The following RALGAPA1 variants were observed in gnomAD, a reference collection of about 807,000 sequenced individuals.
RALGAPA1 encodes the protein ral GTPase-activating protein subunit alpha-1.
In RALGAPA1, 52 loss-of-function variants were observed where a neutral mutation model predicts 269.6. The ratio of observed to expected loss-of-function variants is 0.19; its 90% confidence interval spans 0.15 to 0.24. RALGAPA1 has a LOEUF of 0.24. RALGAPA1 is among the 10% of genes least tolerant of loss of function. The probability of loss-of-function intolerance (pLI) is 1.00; values close to 1 mark genes in which losing one functional copy is unlikely to be tolerated. For synonymous variants in RALGAPA1, 817 were observed against 1,008.3 expected, an observed-to-expected ratio of 0.81 and a Z score of 3.60; for missense variants, 1,917 against 3,013.9, an observed-to-expected ratio of 0.64 and a Z score of 8.52.
chr14:35,794,763 C>A (rs978550271), intron 1 of RALGAPA1, among the ~76,000 whole-genome samples: 1 of 152,126 alleles, frequency 6.6e-6, no homozygotes, highest in African/African-American at 2.4e-5. Context: ...CCAATCCATA[C>A]TCTTTTTAAG....
intron 30 of RALGAPA1, among the ~76,000 whole-genome samples, chr14:35,653,163 A>C (rs1447433450): frequency 6.6e-6 from 1 of 152,148 alleles, no homozygotes; most frequent in Non-Finnish European, 1.5e-5. Context: ...TAGTTATTAA[A>C]TCCTCAGTTC....
chr14:35,573,314 TA>T (rs780749847), intron 37 of RALGAPA1, among the ~76,000 whole-genome samples: 51 of 152,250 alleles, frequency 3.3e-4, no homozygotes, highest in African/African-American at 1.1e-3. Flanking sequence ...AATAAGGTGT[TA>T]AAAAAATGAA....
chr14:35,633,938 G>A (rs1181654134), intron 33 of RALGAPA1, among the ~76,000 whole-genome samples: 5 of 152,090 alleles, frequency 3.3e-5, no homozygotes, highest in Admixed American at 3.3e-4. Context: ...AGTAAGGATT[G>A]TACAAAGGGC....
rs141655607 is a variant in RALGAPA1 at position 35,648,352 on chromosome 14, G to C, written c.5676+3453C>G. ...ATGGTGGCGCACGCCTGTAATCCCA[G>C]CTACTCAGGAGGCTGAGGCAGGAGA... On this transcript the variant is annotated intron_variant, in intron 31 of 41. Coordinates refer to ENST00000680220, the MANE Select transcript of RALGAPA1 (RefSeq NM_001346249.2). Among the ~76,000 whole-genome samples, 792 of 149,750 alleles carry C rather than the reference G, an allele frequency of 5.3e-3. 1 individual carries two copies. Among genetic ancestry groups the C allele is most frequent in the African/African-American group, 0.018 (724 of 40,716 alleles).
chr14:35,625,358 T>A lies in RALGAPA1; in HGVS notation c.6929+3A>T. 1 of 1,605,662 alleles carries A rather than the reference T, an allele frequency of 6.2e-7. No homozygotes were observed. The highest frequency in any genetic ancestry group is 8.5e-7 in the Non-Finnish European group (1 of 1,176,384). ...GTTATGTGAAGATTTTCCAACAACT[T>A]ACCACTGCCTTGAATCCAAGTTCCT... On this transcript the variant is annotated splice_donor_region_variant and intron_variant, in intron 35 of 41. Coordinates refer to ENST00000680220, the MANE Select transcript of RALGAPA1 (RefSeq NM_001346249.2).
At chr14:35,704,336 T>C (rs2067615003) in intron 16 of RALGAPA1, among the ~76,000 whole-genome samples, 1 of 152,120 alleles carries the variant, frequency 6.6e-6, no homozygotes, top group Non-Finnish European at 1.5e-5. Flanking sequence ...ACCACAGACA[T>C]ACTCTCCACA....
At chr14:35,558,909 C>A (rs949380056) in intron 39 of RALGAPA1, among the ~76,000 whole-genome samples, 1 of 152,082 alleles carries the variant, frequency 6.6e-6, no homozygotes, top group Non-Finnish European at 1.5e-5. Flanking sequence ...GAAGTGAAGC[C>A]AGGGAACCCA....
intron 41 of RALGAPA1, chr14:35,541,880 A>T: frequency 2.1e-6 from 1 of 475,600 alleles, no homozygotes; most frequent in Non-Finnish European, 4.1e-6. Context: ...CAGATATGAG[A>T]GACACAGTGC....
intron 37 of RALGAPA1, among the ~76,000 whole-genome samples, chr14:35,584,180 G>A (rs1400534904): frequency 2.0e-5 from 3 of 151,956 alleles, no homozygotes; most frequent in East Asian, 1.9e-4. Context: ...TAAAACAAGC[G>A]AAATGAATGA....
Position 35,549,248 on chromosome 14 carries a change from G to A in RALGAPA1, c.7497-14C>T. On this transcript the variant is annotated splice_polypyrimidine_tract_variant and intron_variant, in intron 39 of 41. Coordinates refer to ENST00000680220, the MANE Select transcript of RALGAPA1 (RefSeq NM_001346249.2). ...CTCTCCTCATAGCTGATTTCCTTTG[G>A]TTAAGGATAAACTTAAGTGCAGCTT... 1 of 1,606,118 alleles carries A rather than the reference G, an allele frequency of 6.2e-7. No individual in the cohort carries two copies.
chr14:35,742,610 G>T, intron 10 of RALGAPA1, 45 bp from the exon 11 acceptor site: 1 of 1,349,552 alleles, frequency 7.4e-7, no homozygotes, highest in Non-Finnish European at 1.1e-6. Context: ...TTTTTCCTTT[G>T]CCACAAACCA....
chr14:35,766,860 A>T, intron 4 of RALGAPA1: 2 of 452,084 alleles, frequency 4.4e-6, no homozygotes, highest in East Asian at 1.1e-4. Context: ...AGTGCCCAGG[A>T]TGATATTTTT....
chr14:35,591,001 G>A (rs1032455377), intron 37 of RALGAPA1, among the ~76,000 whole-genome samples: 2 of 152,184 alleles, frequency 1.3e-5, no homozygotes, highest in African/African-American at 2.4e-5. Context: ...AAGGAGAAAT[G>A]TTGGATAAAG....
At position 35,755,579 on chromosome 14, in the gene RALGAPA1, A is replaced by G. The variant is rs1351018063; in HGVS notation, c.663+1214T>C. 2.0e-5 allele frequency among the ~76,000 whole-genome samples: 3 copies of G among 152,236 alleles called. 1 individual carries two copies. Among genetic ancestry groups the G allele is most frequent in the Admixed American group, 1.3e-4 (2 of 15,278 alleles). On this transcript the variant is annotated intron_variant, in intron 7 of 41. Transcript: ENST00000680220. ...AGTACAAAAGTATTTTTAAAGAAAA[A>G]TTAGTAATAACAATGATGATCATAA... is the stretch of plus-strand genomic sequence containing the variant.
In RALGAPA1 at chr14:35,723,222, T is replaced by C. The variant is rs777465719; in HGVS notation, c.1909A>G (p.Ile637Val). The C allele has an allele frequency of 3.7e-6, 6 of 1,613,210 alleles. No homozygotes were observed. The South Asian group carries it at 6.6e-5, about 18-fold the overall frequency. ...AAGTCATCCCAAAGTTCTCGGGAGA[T>C]GTACACATTTAGGTTTGCTTTGATC... ...AWIKANLNVY[I>V]SRELWDDLLS... is the part of the protein sequence containing the mutation. Residue 637 changes from isoleucine (I) to valine (V), a missense_variant, in exon 15 of 42, where the codon ATC (isoleucine) becomes GTC (valine). Transcript: ENST00000680220.
At chr14:35,802,985 G>A (rs2077089210) in intron 1 of RALGAPA1, among the ~76,000 whole-genome samples, 1 of 152,036 alleles carries the variant, frequency 6.6e-6, no homozygotes, top group Admixed American at 6.6e-5. Context: ...ACCACACCAA[G>A]CTCAACTAAT....
intron 1 of RALGAPA1, among the ~76,000 whole-genome samples, chr14:35,778,901 T>G (rs565926333): frequency 6.6e-6 from 1 of 152,292 alleles, no homozygotes; most frequent in African/African-American, 2.4e-5. Flanking sequence ...ATAATCTACA[T>G]AGCAATACTA....
chr14:35,572,765 G>A (rs141885179), intron 37 of RALGAPA1, 47 bp from the exon 38 acceptor site: 2 of 1,427,792 alleles, frequency 1.4e-6, no homozygotes, highest in East Asian at 4.7e-5. Flanking sequence ...AGCTCTTTGA[G>A]TACAGTCATA....
intron 12 of RALGAPA1, among the ~76,000 whole-genome samples, chr14:35,735,572 G>A (rs944350521): frequency 6.6e-6 from 1 of 152,056 alleles, no homozygotes; most frequent in Non-Finnish European, 1.5e-5. Context: ...GGGTAGTAGG[G>A]GGGCAAGGGA....
Sources: gnomAD v4.1 joint callset for allele counts (sites outside exome capture counted in the v4.1 genomes callset) on GRCh38, gnomAD v4.1.1 for gene constraint, MANE v1.5 for transcripts, NCBI Gene and HGNC (gene_info 2026-07-23, HGNC 2026-07-21) for gene names.